The following GRIK1 variants were observed in gnomAD, a reference collection of about 807,000 sequenced individuals.
GRIK1 encodes glutamate ionotropic receptor kainate type subunit 1, also known as glutamate receptor ionotropic, kainate 1.
A neutral mutation model predicts 105.7 loss-of-function variants in GRIK1; 69 were observed. That is an observed-to-expected ratio of 0.65 (90% CI 0.54 to 0.80). The LOEUF (loss-of-function observed/expected upper bound fraction) is 0.80, where lower values mean the gene tolerates loss of function less well. GRIK1 is among the 30% of genes least tolerant of loss of function. GRIK1 has a pLI of 0.00. For missense variants in GRIK1, 1,109 were observed against 1,167.3 expected (o/e 0.95, Z 0.73); for synonymous variants, 438 against 431.3 (o/e 1.02, Z -0.19).
intron 16 of GRIK1, among the ~76,000 whole-genome samples, chr21:29,544,352 C>T (rs1003690557): frequency 6.6e-6 from 1 of 152,120 alleles, no homozygotes; most frequent in African/African-American, 2.4e-5. Context: ...CGCAGGGCTA[C>T]CCAGTGCACA....
At chr21:29,687,597 A>G (rs1478361333) in intron 3 of GRIK1, among the ~76,000 whole-genome samples, 1 of 152,242 alleles carries the variant, frequency 6.6e-6, no homozygotes, top group Non-Finnish European at 1.5e-5. Context: ...TTCAACAAGT[A>G]TCTATTGAGT....
At chr21:29,824,600 TG>T (rs2067396306) in intron 1 of GRIK1, among the ~76,000 whole-genome samples, 1 of 151,896 alleles carries the variant, frequency 6.6e-6, no homozygotes, top group East Asian at 1.9e-4. Context: ...GTGGGCTTTC[TG>T]GGGGAGAAAA....
At chr21:29,931,401 G>T (rs1407210408) in intron 1 of GRIK1, among the ~76,000 whole-genome samples, 1 of 152,074 alleles carries the variant, frequency 6.6e-6, no homozygotes, top group Non-Finnish European at 1.5e-5. Flanking sequence ...AGTAGAGTAG[G>T]GCTCTAGGCT....
At position 29,756,675 on chromosome 21, in the gene GRIK1, A is replaced by T. The variant is rs181006254; in HGVS notation, c.119-62612T>A. On this transcript the variant is annotated intron_variant, in intron 1 of 17. Coordinates refer to ENST00000327783, the MANE Select transcript of GRIK1 (RefSeq NM_001330994.2). ...GGCATTCAAGACAGAGGAAATCCTTACTATTAAAAACAAAAAACAAAAAAC... is the reference window on the plus strand; with the variant it reads ...GGCATTCAAGACAGAGGAAATCCTTTCTATTAAAAACAAAAAACAAAAAAC... 9.3e-4 allele frequency among the ~76,000 whole-genome samples: 141 copies of T among 152,276 alleles called. 1 individual carries two copies. The highest frequency in any genetic ancestry group is 3.1e-3 in the African/African-American group (127 of 41,570).
At chr21:29,678,660 T>G (rs560719479) in intron 3 of GRIK1, among the ~76,000 whole-genome samples, 1 of 152,310 alleles carries the variant, frequency 6.6e-6, no homozygotes, top group East Asian at 1.9e-4. Flanking sequence ...AAAGAAACTG[T>G]AATTTATCAT....
At chr21:29,716,266 C>T (rs930715574) in intron 1 of GRIK1, among the ~76,000 whole-genome samples, 15 of 152,110 alleles carry the variant, frequency 9.9e-5, no homozygotes, top group Non-Finnish European at 1.6e-4. Flanking sequence ...TGAATTAATG[C>T]AGTAAACTTG....
intron 9 of GRIK1, among the ~76,000 whole-genome samples, chr21:29,593,933 G>C (rs1237798501): frequency 6.6e-6 from 1 of 152,168 alleles, no homozygotes; most frequent in East Asian, 1.9e-4. Flanking sequence ...GATCATTGCT[G>C]CTGCCAATCC....
chr21:29,577,219 G>A, intron 13 of GRIK1, 38 bp from the exon 14 acceptor site: 1 of 1,158,530 alleles, frequency 8.6e-7, no homozygotes, highest in Non-Finnish European at 1.3e-6. Flanking sequence ...GTTAAACACA[G>A]TCAGAAGGAA....
intron 1 of GRIK1, among the ~76,000 whole-genome samples, chr21:29,705,605 T>C (rs913114481): frequency 2.0e-5 from 3 of 152,230 alleles, no homozygotes; most frequent in African/African-American, 7.2e-5. Flanking sequence ...TAATGAAAAG[T>C]TAGACATCAG....
intron 16 of GRIK1, among the ~76,000 whole-genome samples, chr21:29,551,241 T>C (rs2146114095): frequency 6.6e-6 from 1 of 152,234 alleles, no homozygotes; most frequent in East Asian, 1.9e-4. Context: ...TGACGCTCTA[T>C]GGGTTATTTA....
intron 1 of GRIK1, among the ~76,000 whole-genome samples, chr21:29,888,199 C>CTTCCTTTCTT (rs1391865067): frequency 8.9e-4 from 14 of 15,816 alleles, no homozygotes; most frequent in African/African-American, 1.4e-3. Flanking sequence ...CTTTCTTTCT[C>CTTCCTTTCTT]TCTCTCTCTC....
chr21:29,689,925 A>G lies in GRIK1; in HGVS notation c.347T>C (p.Val116Ala). 1 of 1,613,354 alleles carries G rather than the reference A, an allele frequency of 6.2e-7. No individual in the cohort carries two copies. Among genetic ancestry groups the G allele is most frequent in the South Asian group, 1.1e-5 (1 of 91,054 alleles). The change falls in exon 3 of 18, where the codon GTC becomes GCC. Residue 116 changes from valine to alanine, a missense_variant. By Grantham distance (64) the Val-to-Ala change is moderately conservative. Coordinates refer to ENST00000327783, the MANE Select transcript of GRIK1 (RefSeq NM_001330994.2). ...ATTGCAAATAGACTGCACAGCACTG[A>G]CGGAGGAGCTATGGGAAGGGCCAAA... ...ALFGPSHSSS[V>A]SAVQSICNAL...
intron 12 of GRIK1, among the ~76,000 whole-genome samples, chr21:29,583,427 T>A (rs1361796263): frequency 6.6e-6 from 1 of 152,114 alleles, no homozygotes; most frequent in Non-Finnish European, 1.5e-5. Flanking sequence ...ATTAAGAGCC[T>A]AATGTATTCA....
At chr21:29,573,819 A>T (rs964700085) in intron 14 of GRIK1, among the ~76,000 whole-genome samples, 6 of 149,214 alleles carry the variant, frequency 4.0e-5, no homozygotes, top group Non-Finnish European at 8.9e-5. Flanking sequence ...ACTGCACTCC[A>T]CCCAGCCTGG....
intron 1 of GRIK1, among the ~76,000 whole-genome samples, chr21:29,863,527 C>T (rs534364480): frequency 6.6e-6 from 1 of 152,294 alleles, no homozygotes; most frequent in South Asian, 2.1e-4. Flanking sequence ...CATTTAGACA[C>T]TTTAAAAAAT....
intron 1 of GRIK1, among the ~76,000 whole-genome samples, chr21:29,879,060 A>G (rs745855797): frequency 2.6e-5 from 4 of 152,172 alleles, no homozygotes; most frequent in Non-Finnish European, 5.9e-5. Context: ...GGAGCAGGAC[A>G]GAGAGGAGTT....
At chr21:29,938,988 G>A (rs1005021886) in intron 1 of GRIK1, among the ~76,000 whole-genome samples, 1 of 152,124 alleles carries the variant, frequency 6.6e-6, no homozygotes, top group Admixed American at 6.5e-5. Flanking sequence ...GCCAGGCACC[G>A]GGACTGCGGA....
intron 7 of GRIK1, among the ~76,000 whole-genome samples, chr21:29,636,760 CA>C (rs1276749991): frequency 6.6e-6 from 1 of 152,190 alleles, no homozygotes; most frequent in East Asian, 1.9e-4. Context: ...TTACCTGCTT[CA>C]ATCATACCTA....
intron 1 of GRIK1, among the ~76,000 whole-genome samples, chr21:29,867,797 GA>G (rs1213394675): frequency 7.3e-6 from 1 of 137,134 alleles, no homozygotes; most frequent in Non-Finnish European, 1.5e-5. Flanking sequence ...TATGTCGAAA[GA>G]AGAAAGAAAG....
Sources: allele counts gnomAD v4.1 joint callset (sites outside exome capture counted in the v4.1 genomes callset), GRCh38; gene constraint gnomAD v4.1.1; transcripts MANE v1.5; gene names NCBI Gene and HGNC (gene_info 2026-07-23, HGNC 2026-07-21).